The following MPP7 variants were observed in gnomAD, a reference collection of about 807,000 sequenced individuals.
MPP7 encodes MAGUK p55 scaffold protein 7.
A neutral mutation model predicts 76.5 loss-of-function variants in MPP7; 60 were observed. That is an observed-to-expected ratio of 0.78 (90% CI 0.64 to 0.97). The LOEUF is 0.97. MPP7 is among the 50% of genes least tolerant of loss of function. The pLI is 0.00. For missense variants in MPP7, 641 were observed against 694.0 expected (o/e 0.92, Z 0.86); for synonymous variants, 237 against 244.5 (o/e 0.97, Z 0.29).
chr10:28,293,019 T>C (rs1461303363), intron 1 of MPP7, among the ~76,000 whole-genome samples: 1 of 147,538 alleles, frequency 6.8e-6, no homozygotes, highest in African/African-American at 2.5e-5. Context: ...TGGAGAAATA[T>C]TTCCTACACA....
At chr10:28,067,323 A>T (rs759324167) in intron 13 of MPP7, among the ~76,000 whole-genome samples, 4 of 152,236 alleles carry the variant, frequency 2.6e-5, no homozygotes, top group Non-Finnish European at 5.9e-5. Context: ...GTATTTTACA[A>T]AGCAAAACTA....
At chr10:28,310,267 G>C (rs1413280096) in intron 2 of MPP7, among the ~76,000 whole-genome samples, 1 of 152,108 alleles carries the variant, frequency 6.6e-6, no homozygotes, top group African/African-American at 2.4e-5. Context: ...CTCCCAAAGT[G>C]CTGGGATTAC....
At position 28,154,744 on chromosome 10, in the gene MPP7, G is replaced by GT. The variant is rs1280765534; in HGVS notation, c.157-4686dup. 2.2e-5 allele frequency among the ~76,000 whole-genome samples: 3 copies of GT among 133,804 alleles called. 1 individual carries two copies. The Admixed American group carries it at 2.5e-4, about 11-fold the overall frequency. The allele number at this position is 133,804 out of a possible 152,430, so 87.8% of individuals were successfully genotyped here. A position where few individuals can be genotyped will look rare whatever the true frequency, so the allele number is the denominator to read the frequency against. On this transcript the variant is annotated intron_variant, in intron 3 of 16. Transcript: ENST00000683449. ...CTTTGGAAAATCTGAGTTAGTTGGGGTGGGGGGTGGTGGGGAAACTTGAAT... is the reference window on the plus strand; with the variant it reads ...CTTTGGAAAATCTGAGTTAGTTGGGGTTGGGGGGTGGTGGGGAAACTTGAAT...
At chr10:28,222,634 C>T (rs1838549254) in intron 2 of MPP7, among the ~76,000 whole-genome samples, 1 of 151,944 alleles carries the variant, frequency 6.6e-6, no homozygotes, top group Admixed American at 6.6e-5. Context: ...CAGGCGGTCA[C>T]GAGGTCAGGA....
chr10:28,167,330 C>A (rs962706910), intron 3 of MPP7, among the ~76,000 whole-genome samples: 4 of 150,246 alleles, frequency 2.7e-5, no homozygotes, highest in East Asian at 2.0e-4. Flanking sequence ...AACAAACAAA[C>A]AAACAAACAA....
At chr10:28,243,746 A>T (rs1407359937) in intron 1 of MPP7, among the ~76,000 whole-genome samples, 1 of 152,202 alleles carries the variant, frequency 6.6e-6, no homozygotes, top group African/African-American at 2.4e-5. Flanking sequence ...ACATACAGCA[A>T]CAAAATGAAA....
rs1376877286 is a variant in MPP7, at chr10:28,238,679, A to G, written c.-75T>C. 1.4e-6 allele frequency: 2 copies of G among 1,466,538 alleles called. No homozygotes were observed. The highest frequency in any genetic ancestry group is 1.9e-6 in the Non-Finnish European group (2 of 1,048,154). 90.8% of individuals were successfully genotyped at this position (1,466,538 alleles called of 1,614,324 possible). A position where few individuals can be genotyped will look rare whatever the true frequency, so the allele number is the denominator to read the frequency against. On this transcript the variant is annotated 5_prime_UTR_variant, in exon 2 of 17. Transcript: ENST00000683449. The stretch of plus-strand genomic sequence containing the variant: ...CTTCGGACAGCCACAGGGAATTCCA[A>G]TTCAACAGCCTGCAGCCACGTTGTC...
intron 11 of MPP7, among the ~76,000 whole-genome samples, chr10:28,092,408 TAC>T (rs1196928626): frequency 6.6e-6 from 1 of 152,112 alleles, no homozygotes; most frequent in African/African-American, 2.4e-5. Context: ...AGAAGGTAAA[TAC>T]ATCCCTCTGG....
chr10:28,158,173 T>C (rs918113484), intron 3 of MPP7, among the ~76,000 whole-genome samples: 2 of 152,146 alleles, frequency 1.3e-5, no homozygotes, highest in Non-Finnish European at 2.9e-5. Context: ...CCAAAACTGA[T>C]GACTAGTCCC....
intron 2 of MPP7, among the ~76,000 whole-genome samples, chr10:28,226,655 C>T (rs1381094863): frequency 6.7e-6 from 1 of 148,616 alleles, no homozygotes; most frequent in East Asian, 2.0e-4. Flanking sequence ...ATTAATTACA[C>T]TAAATTTTAT....
chr10:28,212,576 G>C (rs1289962511), intron 2 of MPP7, among the ~76,000 whole-genome samples: 4 of 152,162 alleles, frequency 2.6e-5, no homozygotes, highest in African/African-American at 9.7e-5. Context: ...TGTACTTAAA[G>C]CCATGAGGTA....
chr10:28,118,192 A>T, intron 11 of MPP7: 4 of 984,966 alleles, frequency 4.1e-6, no homozygotes, highest in Non-Finnish European at 4.8e-6. Context: ...AAACACACAT[A>T]CCCCCACACA....
intron 12 of MPP7, among the ~76,000 whole-genome samples, chr10:28,086,022 A>T (rs929432877): frequency 3.3e-5 from 5 of 152,204 alleles, no homozygotes; most frequent in Non-Finnish European, 7.3e-5. Context: ...CATCATTCTC[A>T]GCAAACTAAC....
At chr10:28,211,766 G>A (rs537426539) in intron 2 of MPP7, among the ~76,000 whole-genome samples, 55 of 152,048 alleles carry the variant, frequency 3.6e-4, no homozygotes, top group African/African-American at 1.2e-3. Context: ...GGAAGATGAC[G>A]GGCAAGGAGT....
intron 14 of MPP7, 80 bp from the exon 15 acceptor site, chr10:28,058,683 G>C (rs763025062): frequency 7.8e-5 from 55 of 707,372 alleles, no homozygotes; most frequent in Non-Finnish European, 1.2e-4. Flanking sequence ...ATAGGTAAAA[G>C]ACGTTTCTGC....
At chr10:28,111,386 C>T (rs1187335352) in intron 11 of MPP7, among the ~76,000 whole-genome samples, 2 of 152,142 alleles carry the variant, frequency 1.3e-5, no homozygotes, top group African/African-American at 4.8e-5. Flanking sequence ...CTTAAGTTGT[C>T]AAAACATAGT....
chr10:28,260,141 C>G (rs1380301700), intron 1 of MPP7, among the ~76,000 whole-genome samples: 1 of 152,160 alleles, frequency 6.6e-6, no homozygotes, highest in South Asian at 2.1e-4. Flanking sequence ...TTTATAAATA[C>G]TGTTACAATA....
chr10:28,306,616 C>T (rs1841257439), upstream of MPP7, among the ~76,000 whole-genome samples: 1 of 150,822 alleles, frequency 6.6e-6, no homozygotes. Flanking sequence ...CCACTGCGTT[C>T]CAGCCTGGGC....
chr10:28,201,303 T>C lies in MPP7; in HGVS notation c.156+850A>G, dbSNP rs564074714. On this transcript the variant is annotated intron_variant, in intron 3 of 16. Coordinates refer to ENST00000683449, the MANE Select transcript of MPP7 (RefSeq NM_001318170.2). ...AGAAATTGCTCATTTTCTAATACTC[T>C]ATATCAATTAAAAGCCTCTTATCAT... Among the ~76,000 whole-genome samples the C allele has an allele frequency of 3.9e-5, 6 of 152,288 alleles. No individual in the cohort carries two copies. The South Asian group carries it at 1.2e-3, about 32-fold the overall frequency.
Sources: gnomAD v4.1 joint callset for allele counts (sites outside exome capture counted in the v4.1 genomes callset) on GRCh38, gnomAD v4.1.1 for gene constraint, MANE v1.5 for transcripts, NCBI Gene and HGNC (gene_info 2026-07-23, HGNC 2026-07-21) for gene names.